The following DMD variants were observed in gnomAD, a reference collection of about 807,000 sequenced individuals.
DMD encodes the protein dystrophin.
DMD carries 63 observed loss-of-function variants against 330.1 expected under a neutral mutation model. That is an observed-to-expected ratio of 0.19 (90% CI 0.16 to 0.24). DMD has a LOEUF of 0.24. DMD is among the 10% of genes least tolerant of loss of function. The probability of loss-of-function intolerance (pLI) is 1.00; values close to 1 mark genes in which losing one functional copy is unlikely to be tolerated. For missense variants in DMD, 3,344 were observed against 2,684.1 expected (o/e 1.25, Z -5.43); for synonymous variants, 1,223 against 959.8 (o/e 1.27, Z -5.07).
intron 52 of DMD, among the ~76,000 whole-genome samples, chrX:31,720,805 A>C (rs1287388788): frequency 9.0e-6 from 1 of 111,608 alleles, no homozygotes; most frequent in African/African-American, 3.2e-5. Context: ...ACATCACTTT[A>C]ATAAAAAATA....
chrX:33,044,697 T>G (rs1032740456), intron 1 of DMD, among the ~76,000 whole-genome samples: 8 of 111,717 alleles, frequency 7.2e-5, no homozygotes, highest in African/African-American at 2.6e-4. Context: ...TGCAAGAGAA[T>G]GCTCAGCGTA....
intron 34 of DMD, among the ~76,000 whole-genome samples, chrX:32,379,339 G>C (rs1455549264): frequency 1.3e-4 from 14 of 109,817 alleles, no homozygotes; most frequent in Non-Finnish European, 3.8e-5. Context: ...GGATAACCTA[G>C]AAACCTCTGC....
intron 55 of DMD, among the ~76,000 whole-genome samples, chrX:31,606,641 CT>C (rs745936952): frequency 8.9e-6 from 1 of 111,835 alleles, no homozygotes; most frequent in South Asian, 3.7e-4. Context: ...ACAAAAATTT[CT>C]AGTTAATGAT....
At chrX:31,493,357 G>C (rs988871212) in intron 57 of DMD, among the ~76,000 whole-genome samples, 3 of 112,402 alleles carry the variant, frequency 2.7e-5, no homozygotes, top group Non-Finnish European at 3.8e-5. Flanking sequence ...GACAATTTTA[G>C]AAGTGTGTAA....
chrX:33,084,011 C>T (rs1402571689), intron 1 of DMD, among the ~76,000 whole-genome samples: 2 of 111,800 alleles, frequency 1.8e-5, no homozygotes, highest in East Asian at 5.7e-4. Context: ...AACGGAGCTA[C>T]AGATAGACAC....
chrX:31,671,704 T>A (rs1034602058), intron 53 of DMD, among the ~76,000 whole-genome samples: 2 of 112,191 alleles, frequency 1.8e-5, no homozygotes, highest in Admixed American at 9.4e-5. Flanking sequence ...TAGTTGTTCA[T>A]AATATCCTCT....
chrX:31,845,401 C>CTCTCTCTCCT (rs1314556816), intron 48 of DMD, among the ~76,000 whole-genome samples: 1 of 104,090 alleles, frequency 9.6e-6, no homozygotes, highest in Non-Finnish European at 2.0e-5. Context: ...CTCTCTCTCT[C>CTCTCTCTCCT]TCTCTCTCTC....
chrX:33,150,755 A>C (rs1439604110), intron 1 of DMD, among the ~76,000 whole-genome samples: 1 of 109,015 alleles, frequency 9.2e-6, no homozygotes, highest in Non-Finnish European at 1.9e-5. Flanking sequence ...ACATTATTTC[A>C]TGCTCTTTTC....
chrX:32,883,148 A>C (rs1264010697), intron 2 of DMD, among the ~76,000 whole-genome samples: 1 of 112,241 alleles, frequency 8.9e-6, no homozygotes, highest in Non-Finnish European at 1.9e-5. Context: ...CCACACTCTT[A>C]GTCATACAGA....
intron 7 of DMD, among the ~76,000 whole-genome samples, chrX:32,798,400 A>T (rs1260831630): frequency 8.9e-6 from 1 of 112,139 alleles, no homozygotes; most frequent in Non-Finnish European, 1.9e-5. Flanking sequence ...GAATACTCTC[A>T]TGCCTCTTCT....
At chrX:32,875,244 A>G (rs1041543232) in intron 2 of DMD, among the ~76,000 whole-genome samples, 7 of 110,903 alleles carry the variant, frequency 6.3e-5, no homozygotes, top group African/African-American at 2.0e-4. Context: ...CTGATTTACT[A>G]TTGCCTATGT....
intron 1 of DMD, among the ~76,000 whole-genome samples, chrX:33,062,907 T>C (rs946491579): frequency 4.5e-5 from 5 of 112,284 alleles, no homozygotes; most frequent in African/African-American, 1.6e-4. Context: ...ATATCTCTAC[T>C]AACAAGCAGA....
intron 7 of DMD, among the ~76,000 whole-genome samples, chrX:32,779,477 T>C (rs768613528): frequency 3.5e-4 from 39 of 110,656 alleles, no homozygotes; most frequent in African/African-American, 1.2e-3. Context: ...ATTTAGACAT[T>C]TTTAAAGTTA....
chrX:32,585,182 G>A (rs2054089446), intron 13 of DMD, among the ~76,000 whole-genome samples: 1 of 110,971 alleles, frequency 9.0e-6, no homozygotes, highest in Non-Finnish European at 1.9e-5. Flanking sequence ...ACTGGAGACT[G>A]GGAAGAGTGT....
At chrX:32,717,810 T>C (rs1193093730) in intron 7 of DMD, among the ~76,000 whole-genome samples, 2 of 111,620 alleles carry the variant, frequency 1.8e-5, no homozygotes, top group Admixed American at 1.9e-4. Flanking sequence ...TGGGAGCCTG[T>C]CCCTTGCATC....
chrX:32,181,621 A>G (rs1275360368), intron 44 of DMD, among the ~76,000 whole-genome samples: 1 of 111,889 alleles, frequency 8.9e-6, no homozygotes, highest in African/African-American at 3.2e-5. Context: ...GCTTTGACAT[A>G]TATGGAATAT....
At chrX:32,733,782 A>T (rs1446682793) in intron 7 of DMD, among the ~76,000 whole-genome samples, 4 of 106,153 alleles carry the variant, frequency 3.8e-5, no homozygotes, top group Non-Finnish European at 7.8e-5. Context: ...AGGGAAATTT[A>T]TAGCACTAAA....
chrX:31,217,518 A>G (rs1417111992), intron 64 of DMD, among the ~76,000 whole-genome samples: 1 of 112,302 alleles, frequency 8.9e-6, no homozygotes, highest in African/African-American at 3.2e-5. Context: ...TGGCACCAGG[A>G]AATCACTGAG....
At chrX:31,247,512 A>G (rs1356872955) in intron 63 of DMD, among the ~76,000 whole-genome samples, 1 of 108,978 alleles carries the variant, frequency 9.2e-6, no homozygotes, top group South Asian at 4.2e-4. Context: ...AGGCAGAAGA[A>G]TCACTTGAAC....
Sources: gnomAD v4.1 joint callset for allele counts (sites outside exome capture counted in the v4.1 genomes callset) on GRCh38, gnomAD v4.1.1 for gene constraint, MANE v1.5 for transcripts, NCBI Gene and HGNC (gene_info 2026-07-23, HGNC 2026-07-21) for gene names.